The following XKR9 variants were observed in gnomAD, a reference collection of about 807,000 sequenced individuals.
XKR9 encodes the protein XK-related protein 9.
A neutral mutation model predicts 32.0 loss-of-function variants in XKR9; 32 were observed. That is an observed-to-expected ratio of 1.00 (90% CI 0.76 to 1.34). The LOEUF is 1.34. Ranked by LOEUF, XKR9 falls within the 40% of genes most tolerant of loss-of-function variation. The pLI is 0.00. For missense variants in XKR9, 546 were observed against 429.7 expected (o/e 1.27, Z -2.39); for synonymous variants, 168 against 143.4 (o/e 1.17, Z -1.22).
chr8:70,710,771 AGTT>A (rs1432374194), intron 4 of XKR9, among the ~76,000 whole-genome samples: 1 of 151,990 alleles, frequency 6.6e-6, no homozygotes, highest in African/African-American at 2.4e-5. Flanking sequence ...ACAAAAAAAA[AGTT>A]GACAGGTGTG....
chr8:70,709,251 G>A (rs1054883399), intron 4 of XKR9, among the ~76,000 whole-genome samples: 1 of 152,094 alleles, frequency 6.6e-6, no homozygotes, highest in Admixed American at 6.6e-5. Flanking sequence ...ATCCCTTTAT[G>A]TTACAAACCC....
the XKR9 span, among the ~76,000 whole-genome samples, chr8:70,966,905 G>T: frequency 2.3e-4 from 35 of 151,922 alleles, no homozygotes; most frequent in South Asian, 6.9e-3. Context: ...ATCTTTGTTG[G>T]TTTAAAGTCT....
chr8:71,045,685 G>T, the XKR9 span, among the ~76,000 whole-genome samples: 1 of 152,208 alleles, frequency 6.6e-6, no homozygotes, highest in Non-Finnish European at 1.5e-5. Flanking sequence ...TCATAGGCCA[G>T]GGCCCTCAGT....
chr8:70,697,584 G>T (rs1310257368), intron 3 of XKR9, among the ~76,000 whole-genome samples: 2 of 148,894 alleles, frequency 1.3e-5, no homozygotes, highest in Non-Finnish European at 3.0e-5. Flanking sequence ...GATTCGGTTT[G>T]CCAGTATTTT....
chr8:71,008,934 G>C, the XKR9 span, among the ~76,000 whole-genome samples: 1 of 152,154 alleles, frequency 6.6e-6, no homozygotes, highest in South Asian at 2.1e-4. Flanking sequence ...CTCCCAAAGT[G>C]CTTGGATTAC....
chr8:70,957,503 AT>A, the XKR9 span, among the ~76,000 whole-genome samples: 1 of 152,232 alleles, frequency 6.6e-6, no homozygotes, highest in East Asian at 1.9e-4. Flanking sequence ...CCCAGCATCC[AT>A]TAACTATTCT....
chr8:70,909,174 C>G, the XKR9 span, among the ~76,000 whole-genome samples: 1 of 152,166 alleles, frequency 6.6e-6, no homozygotes, highest in Non-Finnish European at 1.5e-5. Flanking sequence ...TTTAAACCTT[C>G]CAATGGCTTC....
chr8:70,770,908 A>C (rs1807445348), intron 2 of XKR9, among the ~76,000 whole-genome samples: 3 of 152,162 alleles, frequency 2.0e-5, no homozygotes, highest in Admixed American at 6.5e-5. Context: ...GCTGCCTTTC[A>C]GGATAGTGAA....
chr8:70,933,436 GTT>G, the XKR9 span, among the ~76,000 whole-genome samples: 2 of 143,642 alleles, frequency 1.4e-5, no homozygotes, highest in Non-Finnish European at 1.5e-5. Context: ...GGGAAGAACA[GTT>G]TTTTTTTTTT....
chr8:70,912,640 G>T, the XKR9 span, among the ~76,000 whole-genome samples: 76 of 152,186 alleles, frequency 5.0e-4, 1 homozygote, highest in South Asian at 0.016. Context: ...ACAGGCAATT[G>T]GATATTCTTG....
intron 2 of XKR9, among the ~76,000 whole-genome samples, chr8:70,788,820 T>G (rs946721816): frequency 6.6e-6 from 1 of 152,102 alleles, no homozygotes; most frequent in African/African-American, 2.4e-5. Flanking sequence ...TACTAAAAAT[T>G]ACATTTCTGC....
At chr8:70,913,860 C>G in the XKR9 span, among the ~76,000 whole-genome samples, 2 of 151,912 alleles carry the variant, frequency 1.3e-5, no homozygotes, top group Non-Finnish European at 2.9e-5. Flanking sequence ...ATTGTATATT[C>G]CTTTATGCCT....
the XKR9 span, among the ~76,000 whole-genome samples, chr8:70,942,607 G>A: frequency 1.3e-5 from 2 of 152,130 alleles, no homozygotes; most frequent in Non-Finnish European, 2.9e-5. Context: ...ATGTGTGCCA[G>A]CATTGGACAT....
the XKR9 span, among the ~76,000 whole-genome samples, chr8:71,028,544 C>T: frequency 2.6e-5 from 4 of 152,108 alleles, no homozygotes; most frequent in Admixed American, 2.6e-4. Flanking sequence ...GCTAGACAGG[C>T]GGAACAGCTT....
At position 70,671,342 on chromosome 8, in the gene XKR9, TTTTA is replaced by T. The variant is rs1818709522; in HGVS notation, c.-361+1807_-361+1810del. Among the ~76,000 whole-genome samples, 3 of 56,124 alleles carry T rather than the reference TTTTA, an allele frequency of 5.3e-5. 1 individual carries two copies. Among genetic ancestry groups the T allele is most frequent in the Non-Finnish European group, 1.9e-4 (3 of 15,768 alleles). 36.8% of individuals were successfully genotyped at this position (56,124 alleles called of 152,430 possible). On this transcript the variant is annotated intron_variant, in intron 1 of 4. Transcript: ENST00000408926. ...TGACATGATCTCATTTTTTTTTTTTTTTTATTATACTCTAAGTTTTAGGGTACAT... is the reference window on the plus strand; with the variant it reads ...TGACATGATCTCATTTTTTTTTTTTTTTATACTCTAAGTTTTAGGGTACAT...
the XKR9 span, among the ~76,000 whole-genome samples, chr8:70,988,359 G>GA: frequency 4.2e-5 from 6 of 144,126 alleles, no homozygotes; most frequent in African/African-American, 7.7e-5. Context: ...GAACTAAACA[G>GA]AAAAAAACCC....
rs1250085789 is a variant in XKR9, at chr8:70,681,207, T to C, written c.149T>C (p.Phe50Ser). 4 of 1,613,572 alleles carry C rather than the reference T, an allele frequency of 2.5e-6. No homozygotes were observed. Among genetic ancestry groups the C allele is most frequent in the Non-Finnish European group, 3.4e-6 (4 of 1,179,622 alleles). The change falls in exon 3 of 5, where the codon TTT (phenylalanine) becomes TCT (serine). Residue 50 changes from phenylalanine (F) to serine (S), a missense_variant. Phe to Ser is a radical substitution (Grantham distance 155, BLOSUM62 -2). Coordinates refer to ENST00000408926, the MANE Select transcript of XKR9 (RefSeq NM_001011720.2). The part of the protein sequence containing the change: ...FSALALSFML[F>S]GTLVAQCFSY... ...GCTTTAGCGTTAAGCTTTATGCTTTTTGGAACACTTGTGGCTCAGTGTTTT... is the reference window on the plus strand; with the variant it reads ...GCTTTAGCGTTAAGCTTTATGCTTTCTGGAACACTTGTGGCTCAGTGTTTT...
the XKR9 span, among the ~76,000 whole-genome samples, chr8:71,016,311 A>T: frequency 2.8e-4 from 43 of 152,250 alleles, no homozygotes; most frequent in Admixed American, 9.2e-4. Context: ...AATGGCAAGC[A>T]GTGTGTATGT....
the XKR9 span, among the ~76,000 whole-genome samples, chr8:70,854,334 G>A: frequency 2.0e-5 from 3 of 152,170 alleles, no homozygotes; most frequent in Admixed American, 6.5e-5. Flanking sequence ...TCTTTGAGAA[G>A]TGTCTGTTCA....
Sources: gnomAD v4.1 joint callset for allele counts (sites outside exome capture counted in the v4.1 genomes callset) on GRCh38, gnomAD v4.1.1 for gene constraint, MANE v1.5 for transcripts, NCBI Gene and HGNC (gene_info 2026-07-23, HGNC 2026-07-21) for gene names.